The following SCAMP5 variants were observed in gnomAD, a reference collection of about 807,000 sequenced individuals.
SCAMP5 encodes the protein secretory carrier-associated membrane protein 5.
Under a neutral mutation model 28.3 loss-of-function variants are expected in SCAMP5, and 7 were observed. The ratio of observed to expected loss-of-function variants is 0.25; its 90% CI spans 0.14 to 0.46. SCAMP5 has a LOEUF of 0.46. Ranked by LOEUF, SCAMP5 falls within the 20% of genes least tolerant of loss-of-function variation. The pLI, the probability that SCAMP5 is intolerant of heterozygous loss-of-function variation, is 0.99. For synonymous variants in SCAMP5, 117 were observed against 116.4 expected (o/e 1.00, Z -0.03); for missense variants, 192 against 312.5 (o/e 0.61, Z 2.91).
rs2065894206 is a variant in SCAMP5, at chr15:75,020,206, A to C, written c.*1223A>C. The C allele has an allele frequency of 6.6e-6, 1 of 152,448 alleles. No homozygotes were observed. The highest frequency in any genetic ancestry group is 2.4e-5 in the African/African-American group (1 of 41,368). 9.4% of individuals were successfully genotyped at this position (152,448 alleles called of 1,614,324 possible). A position where few individuals can be genotyped will look rare whatever the true frequency, so the allele number is the denominator to read the frequency against. ...TCTCGGTGACCGTTGGATTCCTGGA[A>C]GCAGTAGCTGTTCTGTTTGGATCTG... On this transcript the variant is annotated 3_prime_UTR_variant, in exon 7 of 7. Transcript: ENST00000425597.
At chr15:75,002,689 T>C (rs6495135) in intron 1 of SCAMP5, among the ~76,000 whole-genome samples, 30,227 of 151,408 alleles carry the variant, frequency 0.2, 4,788 homozygotes, top group South Asian at 0.43. Flanking sequence ...TTTCCTCGTG[T>C]CTCATCAGCT....
chr15:75,015,453 G>A (rs542457688), intron 3 of SCAMP5, among the ~76,000 whole-genome samples: 7 of 146,648 alleles, frequency 4.8e-5, no homozygotes, highest in East Asian at 2.0e-4. Flanking sequence ...TGGGGACAGA[G>A]GGGGGGGGGC....
In SCAMP5 at chr15:75,018,418, C is replaced by T. The variant is rs760675585; in HGVS notation, c.396C>T (p.Cys132=). ...GCCCCACACTGGCCTCTTCCTGCAGCGGCTGGATTGCTACCATCTCCTTCT... is the reference window on the plus strand; with the variant it reads ...GCCCCACACTGGCCTCTTCCTGCAGTGGCTGGATTGCTACCATCTCCTTCT... The part of the protein sequence containing the change: ...QAVGIPGWGV[C]GWIATISFFG... Residue 132 remains cysteine, a splice_region_variant and synonymous_variant, in exon 6 of 7, where the codon TGC becomes TGT. Coordinates refer to ENST00000425597, the MANE Select transcript of SCAMP5 (RefSeq NM_138967.4). This position sits in a 1 kb window ranked among gnomAD's most constrained non-coding sequence, Gnocchi z 5.6. The T allele has an allele frequency of 3.9e-5, 63 of 1,607,704 alleles. No homozygotes were observed. Among genetic ancestry groups the T allele is most frequent in the East Asian group, 2.2e-5 (1 of 44,854 alleles).
intron 1 of SCAMP5, among the ~76,000 whole-genome samples, chr15:75,008,863 A>G (rs1215224838): frequency 1.3e-5 from 2 of 152,178 alleles, no homozygotes; most frequent in Non-Finnish European, 2.9e-5. Flanking sequence ...AAATAGTCAC[A>G]TTTAGGTTGC....
intron 1 of SCAMP5, among the ~76,000 whole-genome samples, chr15:75,010,615 C>A (rs1292691397): frequency 1.3e-5 from 2 of 152,014 alleles, no homozygotes; most frequent in African/African-American, 2.4e-5. Context: ...GAATTTGAGA[C>A]CAGCTGTGCA....
In SCAMP5 at chr15:75,014,093, T is replaced by C. The variant is rs1020462638; in HGVS notation, c.136+1288T>C. Among the ~76,000 whole-genome samples the C allele has an allele frequency of 1.3e-4, 20 of 152,242 alleles. No individual in the cohort carries two copies. In the East Asian group the frequency reaches 3.7e-3, roughly 28 times the overall value. On this transcript the variant is annotated intron_variant, in intron 3 of 6. Transcript: ENST00000425597. ...CAAGATACCCGCAATGTAACTGCAGTTGGGTTCTGCTATATGTGACACTGC... is the reference window on the plus strand; with the variant it reads ...CAAGATACCCGCAATGTAACTGCAGCTGGGTTCTGCTATATGTGACACTGC...
chr15:75,012,928 G>A (rs963274038), intron 3 of SCAMP5, 123 bp downstream of exon 3: 9 of 924,312 alleles, frequency 9.7e-6, no homozygotes, highest in Non-Finnish European at 1.5e-5. Flanking sequence ...TGTGGCATAT[G>A]CATGGACCAT....
chr15:75,007,939 A>T (rs1423242576), intron 1 of SCAMP5, among the ~76,000 whole-genome samples: 1 of 151,982 alleles, frequency 6.6e-6, no homozygotes, highest in African/African-American at 2.4e-5. Flanking sequence ...GGCCCAAGCG[A>T]TCCATCTGCC....
intron 1 of SCAMP5, among the ~76,000 whole-genome samples, chr15:75,004,687 G>A (rs1209845974): frequency 6.6e-6 from 1 of 151,708 alleles, no homozygotes; most frequent in Non-Finnish European, 1.5e-5. Context: ...CTGTGATTGT[G>A]CTGCTGCACT....
intron 1 of SCAMP5, among the ~76,000 whole-genome samples, chr15:74,997,080 T>TAG (rs1393197974): frequency 6.6e-6 from 1 of 152,184 alleles, no homozygotes; most frequent in Non-Finnish European, 1.5e-5. Flanking sequence ...CACCTTTCTC[T>TAG]AGAGATGAAA....
intron 3 of SCAMP5, among the ~76,000 whole-genome samples, chr15:75,013,525 C>T (rs1184117661): frequency 6.6e-6 from 1 of 152,078 alleles, no homozygotes; most frequent in Non-Finnish European, 1.5e-5. Flanking sequence ...ACAGCAAGAC[C>T]CCTGTCTCTA....
At chr15:75,005,601 A>C (rs2141433755) in intron 1 of SCAMP5, among the ~76,000 whole-genome samples, 1 of 152,296 alleles carries the variant, frequency 6.6e-6, no homozygotes, top group East Asian at 1.9e-4. Flanking sequence ...AATTTCCCAC[A>C]ATCTGAATTT....
chr15:75,006,084 G>A lies in SCAMP5; in HGVS notation c.-48-5708G>A, dbSNP rs549049788. Among the ~76,000 whole-genome samples the A allele has an allele frequency of 6.9e-4, 95 of 137,820 alleles. No homozygotes were observed. In the South Asian group the frequency reaches 0.022, roughly 33 times the overall value. 90.4% of individuals were successfully genotyped at this position (137,820 alleles called of 152,430 possible). ...GTGCTCTCGGCTCACTGAAACCTCC[G>A]CCTCCCGGGTTCAAGCTATTCTCCT... On this transcript the variant is annotated intron_variant, in intron 1 of 6. Transcript: ENST00000425597.
intron 1 of SCAMP5, among the ~76,000 whole-genome samples, chr15:75,000,912 T>C (rs2065700128): frequency 6.6e-6 from 1 of 152,012 alleles, no homozygotes; most frequent in Non-Finnish European, 1.5e-5. Flanking sequence ...CTTCTGACTT[T>C]CACACCTGCT....
At chr15:75,001,599 C>T (rs1239721701) in intron 1 of SCAMP5, among the ~76,000 whole-genome samples, 1 of 151,670 alleles carries the variant, frequency 6.6e-6, no homozygotes, top group African/African-American at 2.4e-5. Context: ...GGCCAGGCAC[C>T]CTGGCTCATG....
At chr15:75,005,051 T>C (rs2065743385) in intron 1 of SCAMP5, among the ~76,000 whole-genome samples, 2 of 152,118 alleles carry the variant, frequency 1.3e-5, no homozygotes, top group South Asian at 2.1e-4. Flanking sequence ...GGCGTGCGCC[T>C]GTAGTCCCAG....
intron 4 of SCAMP5, chr15:75,017,581 G>A: frequency 1.8e-6 from 1 of 567,896 alleles, no homozygotes; most frequent in South Asian, 2.3e-5. Context: ...ATTTATTCCT[G>A]CCTCAGTGGA....
intron 1 of SCAMP5, chr15:75,009,914 G>C (rs768762587): frequency 5.9e-5 from 9 of 152,202 alleles, no homozygotes; most frequent in Admixed American, 5.9e-4. Flanking sequence ...AACAGATGCC[G>C]GGCCCCCAGT....
intron 1 of SCAMP5, among the ~76,000 whole-genome samples, chr15:75,011,211 A>T (rs1405108720): frequency 7.5e-6 from 1 of 133,688 alleles, no homozygotes; most frequent in Non-Finnish European, 1.5e-5. Flanking sequence ...GTCTCAAAAA[A>T]AGTTTTTTAA....
Sources: allele counts gnomAD v4.1 joint callset (sites outside exome capture counted in the v4.1 genomes callset), GRCh38; gene constraint gnomAD v4.1.1; non-coding constraint Gnocchi (gnomAD v3.1); transcripts MANE v1.5; gene names NCBI Gene and HGNC (gene_info 2026-07-23, HGNC 2026-07-21).